Variants in CHD7 observed in about 807,000 individuals in gnomAD.
CHD7 encodes the protein ATP-dependent chromatin remodeler CHD7.
CHD7 carries 24 observed loss-of-function variants against 307.3 expected under a neutral mutation model. The ratio of observed to expected loss-of-function variants is 0.08; its 90% confidence interval spans 0.06 to 0.11. CHD7 has a LOEUF of 0.11. Ranked by LOEUF, CHD7 falls within the 10% of genes least tolerant of loss-of-function variation. The pLI, the probability that CHD7 is intolerant of heterozygous loss-of-function variation, is 1.00. For synonymous variants in CHD7, 1,363 were observed against 1,349.9 expected (o/e 1.01, Z -0.21); for missense variants, 3,106 against 3,727.1 (o/e 0.83, Z 4.34).
chr8:60,757,867 T>G (rs1185658113), intron 2 of CHD7, among the ~76,000 whole-genome samples: 1 of 152,208 alleles, frequency 6.6e-6, no homozygotes, highest in Non-Finnish European at 1.5e-5. Context: ...TCATCCAGAT[T>G]ATTTAATATG....
At chr8:60,793,323 C>G (rs1440013111) in intron 3 of CHD7, among the ~76,000 whole-genome samples, 1 of 151,362 alleles carries the variant, frequency 6.6e-6, no homozygotes, top group Non-Finnish European at 1.5e-5. Flanking sequence ...GGCCTTTTTT[C>G]TTTTCTTTTA....
chr8:60,841,668 A>G lies in CHD7; in HGVS notation c.4558A>G (p.Arg1520Gly), dbSNP rs1328955904. ...GGCCAGTTTTGTTGCATCTGGAAAT[A>G]GGACAGATATTTCCTTGGATGATCC... ...AKASFVASGN[R>G]TDISLDDPNF... is the part of the protein sequence containing the mutation. The change falls in exon 20 of 38, where the codon AGG becomes GGG. Residue 1520 changes from arginine to glycine, a missense_variant. Coordinates refer to ENST00000423902, the MANE Select transcript of CHD7 (RefSeq NM_017780.4). 1 of 1,608,732 alleles carries G rather than the reference A, an allele frequency of 6.2e-7. No individual in the cohort carries two copies.
intron 3 of CHD7, among the ~76,000 whole-genome samples, chr8:60,787,830 T>C (rs1191360025): frequency 3.8e-4 from 3 of 7,946 alleles, no homozygotes; most frequent in Non-Finnish European, 5.5e-4. Flanking sequence ...ATTTTCTTTC[T>C]TTTTTTTTTT....
In CHD7 at chr8:60,781,053, T is replaced by G. The variant is rs1252250265; in HGVS notation, c.1719T>G (p.Val573=). 6.2e-7 allele frequency: 1 copy of G among 1,609,600 alleles called. No homozygotes were observed. Among genetic ancestry groups the G allele is most frequent in the South Asian group, 1.1e-5 (1 of 89,734 alleles). Reference sequence around the variant, plus strand: ...AACCAGTGCCGGATATGACTCAGGTTAGTGGACCGAATGCTCAGCTAGTGA... The same window carrying G: ...AACCAGTGCCGGATATGACTCAGGTGAGTGGACCGAATGCTCAGCTAGTGA... ...LEKPVPDMTQ[V]SGPNAQLVKS... Residue 573 remains valine (V), a synonymous_variant, in exon 3 of 38, where the codon GTT becomes GTG. Coordinates refer to ENST00000423902, the MANE Select transcript of CHD7 (RefSeq NM_017780.4).
At chr8:60,759,490 T>G (rs1178035169) in intron 2 of CHD7, among the ~76,000 whole-genome samples, 1 of 143,942 alleles carries the variant, frequency 6.9e-6, no homozygotes, top group Non-Finnish European at 1.5e-5. Context: ...CCTCTCTCCC[T>G]CTCCCTCTCC....
At chr8:60,693,699 A>G (rs908789624) in intron 1 of CHD7, among the ~76,000 whole-genome samples, 1 of 152,098 alleles carries the variant, frequency 6.6e-6, no homozygotes, top group Non-Finnish European at 1.5e-5. Flanking sequence ...ATTGGAACAC[A>G]TTTTCCCATG....
intron 2 of CHD7, among the ~76,000 whole-genome samples, chr8:60,753,792 T>C (rs1809757053): frequency 1.3e-5 from 2 of 151,578 alleles, no homozygotes; most frequent in Admixed American, 6.6e-5. Flanking sequence ...ACCTGGCTGA[T>C]TTTTGTATTT....
At chr8:60,696,485 C>T (rs1353675104) in intron 1 of CHD7, among the ~76,000 whole-genome samples, 2 of 152,166 alleles carry the variant, frequency 1.3e-5, no homozygotes, top group Admixed American at 6.5e-5. Flanking sequence ...TCAGCTGTGA[C>T]ATGGGAGCAG....
Position 60,853,191 on chromosome 8 carries a change from G to T in CHD7, c.6466G>T (p.Val2156Phe). The T allele has an allele frequency of 6.2e-7, 1 of 1,613,890 alleles. No homozygotes were observed. Among genetic ancestry groups the T allele is most frequent in the Non-Finnish European group, 8.5e-7 (1 of 1,179,848 alleles). The part of the protein sequence containing the change: ...LAVGFVQTPP[V>F]ISSAHIQDER... Reference sequence around the variant, plus strand: ...AGTTGGATTTGTCCAGACTCCTCCAGTCATCTCATCTGCTCATATTCAAGA... The same window carrying T: ...AGTTGGATTTGTCCAGACTCCTCCATTCATCTCATCTGCTCATATTCAAGA... The change falls in exon 31 of 38, where the codon GTC becomes TTC. Residue 2156 changes from valine (V) to phenylalanine (F), a missense_variant. By Grantham distance (50) the Val-to-Phe change is conservative. Transcript: ENST00000423902.
chr8:60,760,280 G>A (rs1315694473), intron 2 of CHD7, among the ~76,000 whole-genome samples: 1 of 151,782 alleles, frequency 6.6e-6, no homozygotes, highest in Non-Finnish European at 1.5e-5. Context: ...TGGGAAAACT[G>A]GCTAGCCATA....
chr8:60,830,643 C>T (rs1003021306), intron 15 of CHD7, 66 bp downstream of exon 15: 2 of 1,555,474 alleles, frequency 1.3e-6, no homozygotes, highest in Non-Finnish European at 1.8e-6. Context: ...CCTTTCTGCC[C>T]CCAGACTGGG....
intron 13 of CHD7, chr8:60,825,490 C>T (rs1395418858): frequency 6.6e-6 from 1 of 152,124 alleles, no homozygotes; most frequent in Non-Finnish European, 1.5e-5. Flanking sequence ...GTCTCAGGGA[C>T]CTTGGTAAGC....
rs376696075 is a variant in CHD7 at position 60,800,504 on chromosome 8, C to T, written c.2355C>T (p.Asn785=). Residue 785 remains asparagine, a synonymous_variant, in exon 5 of 38, where the codon AAC becomes AAT. Coordinates refer to ENST00000423902, the MANE Select transcript of CHD7 (RefSeq NM_017780.4). The stretch of plus-strand genomic sequence containing the variant: ...CTGCTGGGAGGGATTCCCCCTCCAA[C>T]ACCTCCCAGTCAGAACAGCAGGTTA... The part of the protein sequence containing the change: ...ADAAGRDSPS[N]TSQSEQQESV... The T allele has an allele frequency of 9.9e-6, 16 of 1,613,588 alleles. No homozygotes were observed. Among genetic ancestry groups the T allele is most frequent in the African/African-American group, 2.7e-5 (2 of 74,882 alleles).
At chr8:60,850,917 T>C (rs779194425) in intron 26 of CHD7, 115 bp from the exon 27 acceptor site, 1 of 775,402 alleles carries the variant, frequency 1.3e-6, no homozygotes, top group Non-Finnish European at 2.0e-6. Flanking sequence ...GCTTTTGATG[T>C]CAAACCCATA....
chr8:60,707,830 A>G (rs936881321), intron 1 of CHD7, among the ~76,000 whole-genome samples: 1 of 152,250 alleles, frequency 6.6e-6, no homozygotes, highest in Non-Finnish European at 1.5e-5. Context: ...CTATAAGTAT[A>G]TGGAAGCATC....
chr8:60,696,850 TTTTTTC>T (rs1806503483), intron 1 of CHD7, among the ~76,000 whole-genome samples: 1 of 151,988 alleles, frequency 6.6e-6, no homozygotes, highest in Admixed American at 6.6e-5. Flanking sequence ...CATGTTTTTT[TTTTTTC>T]TTTTCTAGAT....
intron 4 of CHD7, among the ~76,000 whole-genome samples, chr8:60,795,373 T>G (rs1811975984): frequency 6.6e-6 from 1 of 152,210 alleles, no homozygotes; most frequent in Non-Finnish European, 1.5e-5. Context: ...AAGGCAAAGA[T>G]TCTTCATTTA....
At chr8:60,754,335 T>G (rs1466933312) in intron 2 of CHD7, among the ~76,000 whole-genome samples, 1 of 152,248 alleles carries the variant, frequency 6.6e-6, no homozygotes, top group Non-Finnish European at 1.5e-5. Context: ...ATTGTACCGA[T>G]TATACAGAAT....
At chr8:60,766,631 A>G (rs1380532811) in intron 2 of CHD7, among the ~76,000 whole-genome samples, 2 of 152,212 alleles carry the variant, frequency 1.3e-5, no homozygotes, top group South Asian at 2.1e-4. Context: ...AGGTGGAGGC[A>G]GCGTGATTTA....
Sources: gnomAD v4.1 joint callset for allele counts (sites outside exome capture counted in the v4.1 genomes callset) on GRCh38, gnomAD v4.1.1 for gene constraint, MANE v1.5 for transcripts, NCBI Gene and HGNC (gene_info 2026-07-23, HGNC 2026-07-21) for gene names.